Variants in PTN observed in about 807,000 individuals in gnomAD.
PTN encodes pleiotrophin.
A neutral mutation model predicts 24.1 loss-of-function variants in PTN; 18 were observed. That is an observed-to-expected ratio of 0.75 (90% confidence interval 0.52 to 1.11). PTN has a LOEUF of 1.11. Ranked by LOEUF, PTN falls within the 50% of genes least tolerant of loss-of-function variation. PTN has a pLI of 0.00. For synonymous variants in PTN, 78 were observed against 68.6 expected, an observed-to-expected ratio of 1.14 and a Z score of -0.67; for missense variants, 163 against 198.8, an observed-to-expected ratio of 0.82 and a Z score of 1.08.
chr7:137,297,561 G>A (rs1809738305), intron 1 of PTN, among the ~76,000 whole-genome samples: 1 of 152,054 alleles, frequency 6.6e-6, no homozygotes, highest in African/African-American at 2.4e-5. Flanking sequence ...GAAACTAGAA[G>A]GGGTCATTGT....
At chr7:137,332,444 C>T (rs1244712946) in intron 1 of PTN, among the ~76,000 whole-genome samples, 1 of 152,106 alleles carries the variant, frequency 6.6e-6, no homozygotes, top group East Asian at 1.9e-4. Context: ...ACTTTTCACA[C>T]ATTTGACCTG....
chr7:137,267,394 T>C (rs533913039), intron 1 of PTN, among the ~76,000 whole-genome samples: 3 of 152,006 alleles, frequency 2.0e-5, no homozygotes, highest in Non-Finnish European at 4.4e-5. Flanking sequence ...TCTTAACTAC[T>C]GTTGGGGGGA....
At chr7:137,297,771 A>C (rs556555861) in intron 1 of PTN, among the ~76,000 whole-genome samples, 2 of 152,192 alleles carry the variant, frequency 1.3e-5, no homozygotes, top group African/African-American at 4.8e-5. Context: ...TGATTTTTCC[A>C]TGAAGGTCAG....
Position 137,242,824 on chromosome 7 carries a change from T to C in PTN, c.451+8406A>G, listed in dbSNP as rs1230147762. On this transcript the variant is annotated intron_variant, in intron 4 of 4. Coordinates refer to ENST00000348225, the MANE Select transcript of PTN (RefSeq NM_002825.7). ...TGACCCACACAGACAGGACTGCCTA[T>C]AGAGCCACAGCACCCCCACGGACGG... Among the ~76,000 whole-genome samples, 5 of 152,224 alleles carry C rather than the reference T, an allele frequency of 3.3e-5. No individual in the cohort carries two copies. In the East Asian group the frequency reaches 7.7e-4, roughly 24 times the overall value.
At chr7:137,324,138 C>T (rs1180144263) in intron 1 of PTN, among the ~76,000 whole-genome samples, 2 of 151,820 alleles carry the variant, frequency 1.3e-5, no homozygotes, top group Admixed American at 6.6e-5. Flanking sequence ...CATAGTAGGT[C>T]GTATTTTCAA....
chr7:137,301,732 C>T (rs1198278570), intron 1 of PTN, among the ~76,000 whole-genome samples: 1 of 151,894 alleles, frequency 6.6e-6, no homozygotes, highest in Non-Finnish European at 1.5e-5. Context: ...AACAAAAAAT[C>T]AAACATGCTA....
At chr7:137,294,193 T>C (rs1171996470) in intron 1 of PTN, among the ~76,000 whole-genome samples, 1 of 152,146 alleles carries the variant, frequency 6.6e-6, no homozygotes, top group Admixed American at 6.5e-5. Flanking sequence ...GTTATTTTTT[T>C]GCAGCTTAGC....
chr7:137,267,860 C>G (rs1770177515), intron 1 of PTN, among the ~76,000 whole-genome samples: 1 of 152,020 alleles, frequency 6.6e-6, no homozygotes, highest in African/African-American at 2.4e-5. Context: ...TAAGTCAAGT[C>G]AAAAACAAAA....
chr7:137,287,086 A>T (rs1185838090), intron 1 of PTN, among the ~76,000 whole-genome samples: 1 of 152,224 alleles, frequency 6.6e-6, no homozygotes, highest in African/African-American at 2.4e-5. Context: ...GTGTTTCATG[A>T]ACGTAATCAT....
Position 137,342,033 on chromosome 7 carries a change from T to G in PTN, c.-2+1406A>C, listed in dbSNP as rs564114479. Among the ~76,000 whole-genome samples, 36 of 152,350 alleles carry G rather than the reference T, an allele frequency of 2.4e-4. 1 individual carries two copies. The highest frequency in any genetic ancestry group is 3.9e-4 in the Admixed American group (6 of 15,304). ...TTGGCCTTTAAAGTGCATAATTTAC[T>G]TAAAAGGAAACATAATGAAGATGGA... On this transcript the variant is annotated intron_variant, in intron 1 of 4. Coordinates refer to ENST00000348225, the MANE Select transcript of PTN (RefSeq NM_002825.7).
intron 4 of PTN, among the ~76,000 whole-genome samples, chr7:137,250,017 A>G (rs1162127169): frequency 6.6e-6 from 1 of 151,732 alleles, no homozygotes; most frequent in Non-Finnish European, 1.5e-5. Context: ...TTTTTTTTCT[A>G]CTTTTATTTA....
chr7:137,309,766 C>T (rs1220099840), intron 1 of PTN, among the ~76,000 whole-genome samples: 1 of 152,138 alleles, frequency 6.6e-6, no homozygotes, highest in Non-Finnish European at 1.5e-5. Context: ...TTTCAGGCTC[C>T]ACTTCTAATT....
chr7:137,287,825 G>A (rs1428507404), intron 1 of PTN: 1 of 152,132 alleles, frequency 6.6e-6, no homozygotes, highest in East Asian at 1.9e-4. Context: ...CTATAGTACA[G>A]TTCATTCTGA....
chr7:137,315,366 T>C lies in PTN; in HGVS notation c.-2+28073A>G, dbSNP rs1267678751. 5.4e-5 allele frequency among the ~76,000 whole-genome samples: 8 copies of C among 148,690 alleles called. No individual in the cohort carries two copies. In the East Asian group the frequency reaches 7.8e-4, roughly 15 times the overall value. ...ACACTTACACGAAAAAAAAAAAAAG[T>C]GCAAGCTCAAGTCCAAATTCTTATC... On this transcript the variant is annotated intron_variant, in intron 1 of 4. Coordinates refer to ENST00000348225, the MANE Select transcript of PTN (RefSeq NM_002825.7).
intron 1 of PTN, among the ~76,000 whole-genome samples, chr7:137,269,408 G>T (rs138150412): frequency 8.5e-4 from 130 of 152,054 alleles, no homozygotes; most frequent in African/African-American, 2.7e-3. Flanking sequence ...CACTTGTGTG[G>T]GCTGTTTTGG....
intron 1 of PTN, among the ~76,000 whole-genome samples, chr7:137,267,505 G>A (rs182223239): frequency 4.6e-5 from 7 of 152,300 alleles, no homozygotes; most frequent in African/African-American, 1.7e-4. Context: ...CAAGGGACCT[G>A]TCTAGGCTTC....
rs1285861417 is a variant in PTN at position 137,255,205 on chromosome 7, C to T, written c.-1-231G>A. The stretch of plus-strand genomic sequence containing the variant: ...TCACTGACAAAACGCAACAGTTCTT[C>T]ACTTAAGACTTCACAACCATTTGCT... On this transcript the variant is annotated intron_variant, in intron 1 of 4. Transcript: ENST00000348225. 2.0e-5 allele frequency among the ~76,000 whole-genome samples: 3 copies of T among 152,338 alleles called. No homozygotes were observed. The East Asian group carries it at 5.8e-4, about 29-fold the overall frequency.
chr7:137,299,272 G>A (rs1052617330), intron 1 of PTN, among the ~76,000 whole-genome samples: 2 of 151,970 alleles, frequency 1.3e-5, no homozygotes, highest in African/African-American at 4.8e-5. Flanking sequence ...ACTGGATTTT[G>A]TTGTTGTCAA....
chr7:137,228,169 G>T, intron 4 of PTN, 94 bp from the exon 5 acceptor site: 1 of 779,888 alleles, frequency 1.3e-6, no homozygotes, highest in South Asian at 1.5e-5. Flanking sequence ...TCTTATAATT[G>T]ACCAGACTGA....
Sources: gnomAD v4.1 joint callset for allele counts (sites outside exome capture counted in the v4.1 genomes callset) on GRCh38, gnomAD v4.1.1 for gene constraint, MANE v1.5 for transcripts, NCBI Gene and HGNC (gene_info 2026-07-23, HGNC 2026-07-21) for gene names.